The following LSAMP variants were observed in gnomAD, a reference collection of about 807,000 sequenced individuals.
LSAMP encodes limbic system associated membrane protein, also known as limbic system-associated membrane protein.
Under a neutral mutation model 38.6 loss-of-function variants are expected in LSAMP, and 7 were observed. The observed-to-expected ratio is 0.18, with a 90% CI of 0.10 to 0.34. The LOEUF (loss-of-function observed/expected upper bound fraction) is 0.34. Among genes scored for constraint, LSAMP ranks in the 10% least tolerant of loss-of-function variants. The pLI is 1.00. For synonymous variants in LSAMP, 154 were observed against 166.8 expected, an observed-to-expected ratio of 0.92 and a Z score of 0.59; for missense variants, 313 against 420.0, an observed-to-expected ratio of 0.75 and a Z score of 2.23.
intron 1 of LSAMP, among the ~76,000 whole-genome samples, chr3:116,190,324 C>T (rs1427161550): frequency 6.6e-6 from 1 of 152,002 alleles, no homozygotes; most frequent in Non-Finnish European, 1.5e-5. Context: ...TAGACGCAGC[C>T]CAGAGATAAA....
chr3:116,229,660 T>C (rs1258351348), intron 1 of LSAMP, among the ~76,000 whole-genome samples: 1 of 152,094 alleles, frequency 6.6e-6, no homozygotes, highest in Non-Finnish European at 1.5e-5. Flanking sequence ...AAAATAAAAT[T>C]TAAAAGTACC....
At chr3:116,194,400 T>G (rs924013168) in intron 1 of LSAMP, among the ~76,000 whole-genome samples, 1 of 152,092 alleles carries the variant, frequency 6.6e-6, no homozygotes, top group African/African-American at 2.4e-5. Flanking sequence ...TTTGTTTGTT[T>G]GTTTGTTTGT....
At chr3:115,984,675 A>G (rs1939460544) in intron 3 of LSAMP, among the ~76,000 whole-genome samples, 1 of 152,220 alleles carries the variant, frequency 6.6e-6, no homozygotes, top group Non-Finnish European at 1.5e-5. Flanking sequence ...AGATTGATAA[A>G]GCCCTAATGA....
At chr3:115,812,464 T>G (rs1163519830) in intron 6 of LSAMP, among the ~76,000 whole-genome samples, 1 of 152,132 alleles carries the variant, frequency 6.6e-6, no homozygotes, top group Admixed American at 6.5e-5. Flanking sequence ...CCTTTCCTAA[T>G]CCACTTCTAT....
intron 1 of LSAMP, among the ~76,000 whole-genome samples, chr3:116,236,648 C>T (rs1298652581): frequency 3.3e-5 from 5 of 152,030 alleles, no homozygotes; most frequent in Non-Finnish European, 7.4e-5. Context: ...ATGAGATTTA[C>T]AATTGAGCCA....
Position 116,411,773 on chromosome 3 carries a change from T to C in LSAMP, c.155+33104A>G, listed in dbSNP as rs1390583466. Among the ~76,000 whole-genome samples, 3 of 143,244 alleles carry C rather than the reference T, an allele frequency of 2.1e-5. No individual in the cohort carries two copies. The East Asian group carries it at 6.0e-4, about 29-fold the overall frequency. The allele number at this position is 143,244 out of a possible 152,430, so 94.0% of individuals were successfully genotyped here. ...CACATGTACCCTAAAACTTAAAGTA[T>C]AATAATAATAAAAGAAGAAAAAAAA... On this transcript the variant is annotated intron_variant, in intron 1 of 6. Transcript: ENST00000490035.
chr3:115,808,079 C>T lies in LSAMP; in HGVS notation c.*2238G>A, dbSNP rs1028569904. The T allele has an allele frequency of 2.9e-5, 4 of 138,020 alleles. No homozygotes were observed. The highest frequency in any genetic ancestry group is 1.1e-4 in the African/African-American group (4 of 34,830). The allele number at this position is 138,020 out of a possible 1,614,324, so 8.5% of individuals were successfully genotyped here. A position where few individuals can be genotyped will look rare whatever the true frequency, so the allele number is the denominator to read the frequency against. On this transcript the variant is annotated 3_prime_UTR_variant, in exon 7 of 7. Transcript: ENST00000490035. ...TCTTTCTCCCTCCTGCCTTCCTTTC[C>T]TTTCTCCTTCCTTCCTTCCTTCCTT...
At chr3:115,861,130 T>C (rs112183975) in intron 3 of LSAMP, among the ~76,000 whole-genome samples, 1,056 of 64,508 alleles carry the variant, frequency 0.016, 155 homozygotes, top group Middle Eastern at 0.031. Flanking sequence ...TCCTTCTTTC[T>C]TTCCTTCCTT....
intron 6 of LSAMP, among the ~76,000 whole-genome samples, chr3:115,837,267 C>T (rs1184176234): frequency 2.0e-5 from 3 of 151,180 alleles, no homozygotes; most frequent in African/African-American, 4.9e-5. Context: ...ACCTCCTACA[C>T]ACGGATGCAG....
At chr3:116,153,058 ATC>A (rs1300970302) in intron 1 of LSAMP, among the ~76,000 whole-genome samples, 4 of 152,098 alleles carry the variant, frequency 2.6e-5, no homozygotes, top group African/African-American at 9.7e-5. Context: ...TTTAAAAGCT[ATC>A]TCTTATCCTC....
intron 1 of LSAMP, among the ~76,000 whole-genome samples, chr3:116,270,916 A>G (rs972501714): frequency 3.5e-4 from 53 of 152,278 alleles, no homozygotes; most frequent in African/African-American, 1.3e-3. Context: ...TGAGATCTCA[A>G]CAAAGCTTGC....
chr3:115,932,137 A>C (rs1421013536), intron 3 of LSAMP, among the ~76,000 whole-genome samples: 2 of 152,242 alleles, frequency 1.3e-5, no homozygotes, highest in Non-Finnish European at 2.9e-5. Flanking sequence ...GGTTAGAGTA[A>C]GATGATAATA....
intron 1 of LSAMP, among the ~76,000 whole-genome samples, chr3:116,434,309 G>A (rs1316605119): frequency 1.3e-5 from 2 of 152,174 alleles, no homozygotes; most frequent in Non-Finnish European, 2.9e-5. Flanking sequence ...CGGGTACTGA[G>A]CTAAATTCTG....
At chr3:116,315,407 G>A (rs1293695539) in intron 1 of LSAMP, among the ~76,000 whole-genome samples, 1 of 152,110 alleles carries the variant, frequency 6.6e-6, no homozygotes, top group East Asian at 1.9e-4. Context: ...TTAAATGGTG[G>A]GGAGGGAAAT....
At chr3:115,858,221 A>G (rs889882332) in intron 3 of LSAMP, among the ~76,000 whole-genome samples, 11 of 151,900 alleles carry the variant, frequency 7.2e-5, no homozygotes, top group Non-Finnish European at 1.3e-4. Flanking sequence ...TTACTGTTAA[A>G]TGTGTGTGAG....
At chr3:116,036,702 G>T (rs889862029) in intron 2 of LSAMP, among the ~76,000 whole-genome samples, 1 of 141,428 alleles carries the variant, frequency 7.1e-6, no homozygotes, top group African/African-American at 2.9e-5. Flanking sequence ...TCTAAACAAA[G>T]ATAATATAAG....
chr3:116,150,959 G>A (rs1250231917), intron 1 of LSAMP, among the ~76,000 whole-genome samples: 1 of 151,994 alleles, frequency 6.6e-6, no homozygotes, highest in South Asian at 2.1e-4. Flanking sequence ...AGTGTTCCCA[G>A]GTGGTGCCTT....
intron 1 of LSAMP, among the ~76,000 whole-genome samples, chr3:116,395,445 G>A (rs989083893): frequency 6.6e-6 from 1 of 152,198 alleles, no homozygotes; most frequent in South Asian, 2.1e-4. Context: ...CACAATTTAA[G>A]GGCTAAGGAA....
chr3:116,395,375 T>G (rs1228802660), intron 1 of LSAMP, among the ~76,000 whole-genome samples: 3 of 152,204 alleles, frequency 2.0e-5, no homozygotes, highest in Non-Finnish European at 4.4e-5. Flanking sequence ...CCAATGAGTT[T>G]GTTTCAAAGT....
Sources: gnomAD v4.1 joint callset for allele counts (sites outside exome capture counted in the v4.1 genomes callset) on GRCh38, gnomAD v4.1.1 for gene constraint, MANE v1.5 for transcripts, NCBI Gene and HGNC (gene_info 2026-07-23, HGNC 2026-07-21) for gene names.